Variants in DAB1 observed in about 807,000 individuals in gnomAD.
DAB1 encodes the protein disabled homolog 1.
Under a neutral mutation model 64.6 loss-of-function variants are expected in DAB1, and 15 were observed. That is an observed-to-expected ratio of 0.23 (90% CI 0.16 to 0.36). DAB1 has a LOEUF of 0.36. Ranked by LOEUF, DAB1 falls within the 10% of genes least tolerant of loss-of-function variation. The pLI is 1.00. For synonymous variants in DAB1, 235 were observed against 251.9 expected (o/e 0.93, Z 0.64); for missense variants, 596 against 706.7 (o/e 0.84, Z 1.78).
At chr1:58,487,686 AAGTAATTT>A (rs1645599115) in intron 3 of DAB1, among the ~76,000 whole-genome samples, 1 of 152,110 alleles carries the variant, frequency 6.6e-6, no homozygotes, top group South Asian at 2.1e-4. Context: ...CTTCTTTCTA[AAGTAATTT>A]AGTAATTTGT....
At chr1:57,028,310 G>A (rs1646857654) in intron 9 of DAB1, among the ~76,000 whole-genome samples, 2 of 152,166 alleles carry the variant, frequency 1.3e-5, no homozygotes, top group African/African-American at 4.8e-5. Flanking sequence ...CATGTAAGAT[G>A]TGCCTTTTGC....
chr1:58,130,910 T>C (rs1488022823), intron 5 of DAB1, among the ~76,000 whole-genome samples: 3 of 151,500 alleles, frequency 2.0e-5, no homozygotes, highest in African/African-American at 2.4e-5. Context: ...TCATTTCCAC[T>C]TTGGTGAATC....
At chr1:57,594,708 A>T (rs919708445) in intron 7 of DAB1, among the ~76,000 whole-genome samples, 3 of 152,070 alleles carry the variant, frequency 2.0e-5, no homozygotes, top group Non-Finnish European at 4.4e-5. Flanking sequence ...TTATTTATAT[A>T]CTTATTTATT....
chr1:57,422,565 G>C (rs1319435033), intron 1 of DAB1, among the ~76,000 whole-genome samples: 2 of 151,870 alleles, frequency 1.3e-5, no homozygotes, highest in Non-Finnish European at 2.9e-5. Context: ...ACAGATGCCC[G>C]CGTCGCGGCG....
intron 4 of DAB1, among the ~76,000 whole-genome samples, chr1:58,223,497 C>T (rs1326228907): frequency 6.6e-6 from 1 of 152,170 alleles, no homozygotes; most frequent in African/African-American, 2.4e-5. Context: ...TTACAAATTT[C>T]CTGAGAAAAC....
At chr1:57,156,223 C>T (rs1164689988) in intron 2 of DAB1, among the ~76,000 whole-genome samples, 1 of 152,168 alleles carries the variant, frequency 6.6e-6, no homozygotes, top group Non-Finnish European at 1.5e-5. Context: ...CATGCACTAT[C>T]TGACCAAAAA....
At chr1:57,468,789 A>G (rs946782143) in intron 7 of DAB1, among the ~76,000 whole-genome samples, 1 of 152,210 alleles carries the variant, frequency 6.6e-6, no homozygotes, top group African/African-American at 2.4e-5. Context: ...GTCCCAATAG[A>G]GCTCTGAGAA....
chr1:58,368,239 G>A (rs12028180), intron 3 of DAB1, among the ~76,000 whole-genome samples: 14,032 of 152,234 alleles, frequency 0.092, 748 homozygotes, highest in East Asian at 0.22. Context: ...AGGGGCTGGA[G>A]GAGGATATCT....
Position 57,229,787 on chromosome 1 carries a change from A to C in DAB1, c.67+61177T>G, listed in dbSNP as rs371853444. On this transcript the variant is annotated intron_variant, in intron 2 of 14. Coordinates refer to ENST00000371236, the MANE Select transcript of DAB1 (RefSeq NM_001365792.1). ...TCCAAGCAAAAGGAAACACATTGTT[A>C]CTTTCATTGTTGGAAGAGTTGAATT... Among the ~76,000 whole-genome samples, 10 of 152,318 alleles carry C rather than the reference A, an allele frequency of 6.6e-5. No homozygotes were observed. In the East Asian group the frequency reaches 1.7e-3, roughly 26 times the overall value.
chr1:57,997,254 CA>C (rs1215349156), intron 5 of DAB1, among the ~76,000 whole-genome samples: 1 of 152,120 alleles, frequency 6.6e-6, no homozygotes, highest in East Asian at 1.9e-4. Context: ...CTCCAGTGAG[CA>C]CATGTACAAT....
intron 7 of DAB1, among the ~76,000 whole-genome samples, chr1:57,644,746 G>C (rs563877710): frequency 6.6e-6 from 1 of 152,036 alleles, no homozygotes. Flanking sequence ...AATTGTGGGT[G>C]CTGGTTAAGC....
At chr1:57,317,640 G>A (rs1351408963) in intron 1 of DAB1, among the ~76,000 whole-genome samples, 1 of 152,040 alleles carries the variant, frequency 6.6e-6, no homozygotes, top group Non-Finnish European at 1.5e-5. Context: ...GTTACTCAAA[G>A]AGTAGCCTTT....
chr1:57,761,728 C>T (rs1292549985), intron 6 of DAB1, among the ~76,000 whole-genome samples: 1 of 152,248 alleles, frequency 6.6e-6, no homozygotes, highest in South Asian at 2.1e-4. Context: ...CAAGTCAACC[C>T]AGGTTTGTCC....
chr1:57,487,343 G>C (rs1644105049), intron 7 of DAB1, among the ~76,000 whole-genome samples: 1 of 152,186 alleles, frequency 6.6e-6, no homozygotes. Flanking sequence ...GATCAAGACA[G>C]CTTGGCTTAC....
At position 57,145,474 on chromosome 1, in the gene DAB1, C is replaced by A. The variant is rs758436797; in HGVS notation, c.68-45G>T. The A allele has an allele frequency of 1.9e-6, 3 of 1,601,918 alleles. No homozygotes were observed. In the African/African-American group the frequency reaches 4.0e-5, roughly 21 times the overall value. On this transcript the variant is annotated intron_variant, in intron 2 of 14. Transcript: ENST00000371236. The stretch of plus-strand genomic sequence containing the variant: ...ATTCAAATATGTAGCTGTGCAGACC[C>A]CAGTGGCTTTGAGTATCCACAATTC...
intron 2 of DAB1, among the ~76,000 whole-genome samples, chr1:57,176,005 A>G (rs1490214418): frequency 6.6e-6 from 1 of 152,136 alleles, no homozygotes; most frequent in Non-Finnish European, 1.5e-5. Flanking sequence ...ATAGGTGTGT[A>G]ATTTTAAGTT....
chr1:58,373,470 A>G (rs1490569446), intron 3 of DAB1, among the ~76,000 whole-genome samples: 1 of 151,130 alleles, frequency 6.6e-6, no homozygotes, highest in Non-Finnish European at 1.5e-5. Context: ...ATGGTTTCCA[A>G]CTTCATCCAT....
At chr1:57,544,124 TA>T (rs1644831726) in intron 7 of DAB1, among the ~76,000 whole-genome samples, 1 of 151,862 alleles carries the variant, frequency 6.6e-6, no homozygotes, top group Non-Finnish European at 1.5e-5. Context: ...AAAAATAAAA[TA>T]AAAAGAACAA....
At chr1:57,166,382 C>T (rs1661212968) in intron 2 of DAB1, among the ~76,000 whole-genome samples, 1 of 152,110 alleles carries the variant, frequency 6.6e-6, no homozygotes, top group Non-Finnish European at 1.5e-5. Flanking sequence ...TATAGGTGCA[C>T]TAAATTATAA....
Sources: gnomAD v4.1 joint callset for allele counts (sites outside exome capture counted in the v4.1 genomes callset) on GRCh38, gnomAD v4.1.1 for gene constraint, MANE v1.5 for transcripts, NCBI Gene and HGNC (gene_info 2026-07-23, HGNC 2026-07-21) for gene names.